The following HHIPL1 variants were observed in gnomAD, a reference collection of about 807,000 sequenced individuals.
The protein encoded by HHIPL1 is HHIP-like protein 1.
Under a neutral mutation model 61.8 loss-of-function variants are expected in HHIPL1, and 43 were observed. The ratio of observed to expected loss-of-function variants is 0.70; its 90% CI spans 0.55 to 0.90. HHIPL1 has a LOEUF of 0.90. Ranked by LOEUF, HHIPL1 falls within the 40% of genes least tolerant of loss-of-function variation. The probability of loss-of-function intolerance (pLI) is 0.00; values close to 1 mark genes in which losing one functional copy is unlikely to be tolerated. For synonymous variants in HHIPL1, 482 were observed against 515.8 expected (o/e 0.93, Z 0.89); for missense variants, 1,056 against 1,157.7 (o/e 0.91, Z 1.28).
chr14:99,669,844 G>C (rs75110790), intron 7 of HHIPL1, among the ~76,000 whole-genome samples: 4 of 152,160 alleles, frequency 2.6e-5, no homozygotes, highest in African/African-American at 7.2e-5. Flanking sequence ...AGGATCACTC[G>C]AACTCAGGAG....
rs1348672328 is a variant in HHIPL1 at position 99,680,389 on chromosome 14, G to T, written c.*4763G>T. ...CTGGGTCCTGTCTCTCAGAGTTTTT[G>T]ACTCAGTCTTGGTTGAGAATTTTCA... On this transcript the variant is annotated 3_prime_UTR_variant, in exon 9 of 9. Coordinates refer to ENST00000330710, the MANE Select transcript of HHIPL1 (RefSeq NM_001127258.3). 6.6e-6 allele frequency: 1 copy of T among 152,180 alleles called. No individual in the cohort carries two copies. Among genetic ancestry groups the T allele is most frequent in the Non-Finnish European group, 1.5e-5 (1 of 68,054 alleles). 9.4% of individuals were successfully genotyped at this position (152,180 alleles called of 1,614,324 possible).
upstream of HHIPL1, among the ~76,000 whole-genome samples, chr14:99,640,810 T>C (rs562708615): frequency 6.7e-6 from 1 of 150,022 alleles, no homozygotes; most frequent in Non-Finnish European, 1.5e-5. Flanking sequence ...GCTATAACCA[T>C]CCAGTACGTT....
the HHIPL1 span, chr14:99,625,837 G>C: frequency 6.6e-6 from 1 of 152,190 alleles, no homozygotes; most frequent in Non-Finnish European, 1.5e-5. Flanking sequence ...CTCCTGCATG[G>C]ACCCTGGGCC....
chr14:99,654,769 G>T (rs569418389), intron 2 of HHIPL1, among the ~76,000 whole-genome samples: 4 of 152,226 alleles, frequency 2.6e-5, no homozygotes, highest in Non-Finnish European at 5.9e-5. Flanking sequence ...CAGCCAGAGT[G>T]AAAGGAGGAA....
the HHIPL1 span, chr14:99,624,766 C>T: frequency 1.3e-4 from 20 of 152,320 alleles, no homozygotes; most frequent in African/African-American, 4.8e-4. Context: ...CCCCAGGAAC[C>T]TACTTCAGGG....
At chr14:99,661,410 AGAG>A in intron 5 of HHIPL1, among the ~76,000 whole-genome samples, 2 of 77,516 alleles carry the variant, frequency 2.6e-5, no homozygotes, top group Non-Finnish European at 5.1e-5. Context: ...AGAAAGAGAG[AGAG>A]AGAGAAAAGA....
chr14:99,617,721 C>A, the HHIPL1 span, among the ~76,000 whole-genome samples: 1 of 152,096 alleles, frequency 6.6e-6, no homozygotes, highest in East Asian at 1.9e-4. Flanking sequence ...GATGGAAGCC[C>A]CCAGACCAGA....
upstream of HHIPL1, among the ~76,000 whole-genome samples, chr14:99,641,169 G>A (rs1052808836): frequency 6.6e-6 from 1 of 151,870 alleles, no homozygotes; most frequent in Non-Finnish European, 1.5e-5. Flanking sequence ...TTACAGGTGT[G>A]AGCCACTGCA....
At chr14:99,606,091 C>G in the HHIPL1 span, among the ~76,000 whole-genome samples, 17 of 152,252 alleles carry the variant, frequency 1.1e-4, 1 homozygote, top group South Asian at 2.1e-3. Flanking sequence ...GATTCAATAT[C>G]TCATCTCCCA....
At chr14:99,637,072 AAGAGAG>A in the HHIPL1 span, among the ~76,000 whole-genome samples, 462 of 100,540 alleles carry the variant, frequency 4.6e-3, 25 homozygotes, top group African/African-American at 0.014. Context: ...AAAAGAAAGA[AAGAGAG>A]AGAAAGAAAG....
chr14:99,648,087 T>G (rs2055870022), intron 1 of HHIPL1, among the ~76,000 whole-genome samples: 1 of 152,130 alleles, frequency 6.6e-6, no homozygotes, highest in Non-Finnish European at 1.5e-5. Context: ...CTGTGCTGGA[T>G]GCTGGGCCCA....
chr14:99,664,174 T>C (rs1024825947), intron 6 of HHIPL1, among the ~76,000 whole-genome samples: 1 of 152,128 alleles, frequency 6.6e-6, no homozygotes, highest in African/African-American at 2.4e-5. Flanking sequence ...TGGGCCCTAA[T>C]GGATGCTTAT....
At chr14:99,618,501 A>G in the HHIPL1 span, among the ~76,000 whole-genome samples, 27,001 of 152,106 alleles carry the variant, frequency 0.18, 2,858 homozygotes, top group African/African-American at 0.29. Context: ...CCTGGCAGGG[A>G]CATGAGCTTC....
chr14:99,632,980 G>A, the HHIPL1 span, among the ~76,000 whole-genome samples: 1 of 150,542 alleles, frequency 6.6e-6, no homozygotes, highest in African/African-American at 2.4e-5. Flanking sequence ...GAGGCCTCAT[G>A]GAGCTGAGAC....
At chr14:99,617,544 G>A in the HHIPL1 span, among the ~76,000 whole-genome samples, 2 of 152,084 alleles carry the variant, frequency 1.3e-5, no homozygotes, top group African/African-American at 4.8e-5. Context: ...GGGGAATCGG[G>A]GAACCATCTC....
At chr14:99,632,651 C>G in the HHIPL1 span, among the ~76,000 whole-genome samples, 84 of 152,262 alleles carry the variant, frequency 5.5e-4, 1 homozygote, top group South Asian at 0.017. Context: ...TGCATCACCC[C>G]CAACTCTTCT....
the HHIPL1 span, among the ~76,000 whole-genome samples, chr14:99,607,869 G>A: frequency 6.6e-6 from 1 of 152,158 alleles, no homozygotes; most frequent in African/African-American, 2.4e-5. Flanking sequence ...ACTGAACATA[G>A]AGGAAATCTA....
chr14:99,642,737 T>G (rs373334135), upstream of HHIPL1, among the ~76,000 whole-genome samples: 8 of 151,978 alleles, frequency 5.3e-5, no homozygotes, highest in Middle Eastern at 3.2e-3. Flanking sequence ...TATTAGCCAG[T>G]ATGATTTCGA....
the HHIPL1 span, among the ~76,000 whole-genome samples, chr14:99,620,044 G>T: frequency 6.6e-6 from 1 of 152,178 alleles, no homozygotes; most frequent in African/African-American, 2.4e-5. Context: ...GAAAATGACA[G>T]ACCTTTTCCT....
Sources: gnomAD v4.1 joint callset for allele counts (sites outside exome capture counted in the v4.1 genomes callset) on GRCh38, gnomAD v4.1.1 for gene constraint, MANE v1.5 for transcripts, NCBI Gene and HGNC (gene_info 2026-07-23, HGNC 2026-07-21) for gene names.